The following ROBO1 variants were observed in gnomAD, a reference collection of about 807,000 sequenced individuals.
ROBO1 encodes roundabout guidance receptor 1, also known as roundabout homolog 1.
A neutral mutation model predicts 195.9 loss-of-function variants in ROBO1; 149 were observed. The observed-to-expected ratio is 0.76, with a 90% CI of 0.67 to 0.87. The LOEUF is 0.87. Ranked by LOEUF, ROBO1 falls within the 40% of genes least tolerant of loss-of-function variation. The pLI, the probability that ROBO1 is intolerant of heterozygous loss-of-function variation, is 0.00. For missense variants in ROBO1, 1,933 were observed against 2,068.3 expected (o/e 0.93, Z 1.27); for synonymous variants, 816 against 733.2 (o/e 1.11, Z -1.82).
chr3:79,004,341 T>C (rs1174717472), intron 3 of ROBO1, among the ~76,000 whole-genome samples: 1 of 152,176 alleles, frequency 6.6e-6, no homozygotes, highest in East Asian at 1.9e-4. Context: ...ATAACTCCTG[T>C]CAAAGCAAAG....
At position 79,218,026 on chromosome 3, in the gene ROBO1, CTT is replaced by C. The variant is rs1576829731; in HGVS notation, c.89-92489_89-92488del. 2.0e-5 allele frequency among the ~76,000 whole-genome samples: 3 copies of C among 151,728 alleles called. No individual in the cohort carries two copies. The East Asian group carries it at 5.8e-4, about 29-fold the overall frequency. ...TGGAAGATGGGAAATATTAGGAAAT[CTT>C]ATATTTTAGAAGATTATATAAATAA... On this transcript the variant is annotated intron_variant, in intron 2 of 30. Transcript: ENST00000464233.
At chr3:79,449,791 G>C (rs983671016) in intron 2 of ROBO1, among the ~76,000 whole-genome samples, 5 of 152,132 alleles carry the variant, frequency 3.3e-5, no homozygotes, top group African/African-American at 1.2e-4. Flanking sequence ...AGTTTATGGT[G>C]CCAATAGATT....
intron 4 of ROBO1, chr3:78,938,081 G>A (rs139789565): frequency 1.3e-5 from 2 of 156,600 alleles, no homozygotes; most frequent in African/African-American, 4.8e-5. Context: ...CAGCATGGGA[G>A]TTTTGATCTG....
intron 2 of ROBO1, among the ~76,000 whole-genome samples, chr3:79,284,372 A>G (rs895413778): frequency 6.6e-6 from 1 of 152,150 alleles, no homozygotes; most frequent in Non-Finnish European, 1.5e-5. Flanking sequence ...TAAAGAAACT[A>G]TTCTCAGTTT....
At chr3:78,698,963 G>A (rs138924984) in intron 8 of ROBO1, among the ~76,000 whole-genome samples, 7 of 152,154 alleles carry the variant, frequency 4.6e-5, no homozygotes, top group South Asian at 2.1e-4. Context: ...AGCAATCTAC[G>A]ACAATGTGCA....
chr3:79,620,217 G>A (rs1430889125), intron 1 of ROBO1, among the ~76,000 whole-genome samples: 1 of 152,116 alleles, frequency 6.6e-6, no homozygotes, highest in Non-Finnish European at 1.5e-5. Flanking sequence ...ACCACTCCCA[G>A]AGCCCCTGGA....
intron 7 of ROBO1, 33 bp downstream of exon 7, chr3:78,717,242 T>C: frequency 1.3e-6 from 2 of 1,520,220 alleles, no homozygotes; most frequent in East Asian, 2.3e-5. Context: ...AATGCTGAGT[T>C]GACAAATCAT....
chr3:79,385,752 G>C (rs1402344669), intron 2 of ROBO1, among the ~76,000 whole-genome samples: 1 of 151,938 alleles, frequency 6.6e-6, no homozygotes, highest in African/African-American at 2.4e-5. Flanking sequence ...CACTCTCAGG[G>C]GAAAGAAAGT....
chr3:79,085,809 A>G (rs2079358268), intron 3 of ROBO1, among the ~76,000 whole-genome samples: 1 of 152,216 alleles, frequency 6.6e-6, no homozygotes, highest in Non-Finnish European at 1.5e-5. Context: ...ATAAAAGTTT[A>G]GATCTCCTGT....
At chr3:79,623,514 G>T (rs1216338358) in intron 1 of ROBO1, among the ~76,000 whole-genome samples, 1 of 152,184 alleles carries the variant, frequency 6.6e-6, no homozygotes, top group East Asian at 1.9e-4. Flanking sequence ...ACCTGATGGA[G>T]CTGAAAAACA....
At chr3:79,388,662 C>T (rs1302043145) in intron 2 of ROBO1, among the ~76,000 whole-genome samples, 1 of 152,090 alleles carries the variant, frequency 6.6e-6, no homozygotes, top group Non-Finnish European at 1.5e-5. Flanking sequence ...TATACATATG[C>T]ACAGGTAATA....
At chr3:78,912,118 T>C (rs2038278541) in intron 4 of ROBO1, among the ~76,000 whole-genome samples, 1 of 152,058 alleles carries the variant, frequency 6.6e-6, no homozygotes, top group Admixed American at 6.6e-5. Flanking sequence ...ACTTTATAGA[T>C]GAGCCTAAAG....
chr3:79,378,242 C>A (rs2036452525), intron 2 of ROBO1, among the ~76,000 whole-genome samples: 1 of 151,596 alleles, frequency 6.6e-6, no homozygotes, highest in Non-Finnish European at 1.5e-5. Context: ...CCACTTTAGG[C>A]CTTAACCAGG....
chr3:79,294,913 A>C (rs531067615), intron 2 of ROBO1, among the ~76,000 whole-genome samples: 2 of 152,334 alleles, frequency 1.3e-5, no homozygotes, highest in South Asian at 2.1e-4. Context: ...ATCTCACGCC[A>C]GTTAGAATGG....
intron 2 of ROBO1, among the ~76,000 whole-genome samples, chr3:79,225,559 AC>A (rs538956595): frequency 6.6e-5 from 10 of 152,074 alleles, no homozygotes; most frequent in Non-Finnish European, 1.2e-4. Flanking sequence ...AATTTGGTCC[AC>A]CTTAGACACC....
At chr3:79,528,030 A>G (rs1353239795) in intron 2 of ROBO1, 1 of 23,820 alleles carries the variant, frequency 4.2e-5, no homozygotes, top group African/African-American at 6.2e-4. Context: ...GAGAGTTCAA[A>G]TTTTGCTTTT....
Position 78,868,835 on chromosome 3 carries a change from A to AC in ROBO1, c.499+69765_499+69766insG, listed in dbSNP as rs1228639963. Among the ~76,000 whole-genome samples, 3 of 152,342 alleles carry AC rather than the reference A, an allele frequency of 2.0e-5. No homozygotes were observed. In the East Asian group the frequency reaches 5.8e-4, roughly 29 times the overall value. ...CAAAAGCTTAGAAAGAACAATGGGTATGTAGATGTCAAAAAGGCAATATTC... is the reference window on the plus strand; with the variant it reads ...CAAAAGCTTAGAAAGAACAATGGGTACTGTAGATGTCAAAAAGGCAATATTC... On this transcript the variant is annotated intron_variant, in intron 4 of 30. Transcript: ENST00000464233.
chr3:79,583,000 T>G lies in ROBO1; in HGVS notation c.88+6824A>C, dbSNP rs533484962. ...ATTATCTGCTTGTTTACAAGATCTG[T>G]GAAGTCTTTCATGCCCTCCTCAAGT... On this transcript the variant is annotated intron_variant, in intron 2 of 30. Transcript: ENST00000464233. 1.1e-4 allele frequency among the ~76,000 whole-genome samples: 17 copies of G among 152,104 alleles called. No individual in the cohort carries two copies. The East Asian group carries it at 3.3e-3, about 30-fold the overall frequency.
intron 2 of ROBO1, among the ~76,000 whole-genome samples, chr3:79,232,955 A>C (rs1257627143): frequency 1.3e-5 from 2 of 152,088 alleles, no homozygotes; most frequent in Non-Finnish European, 2.9e-5. Context: ...ATAACAGTTG[A>C]CTTTGATGTT....
Sources: gnomAD v4.1 joint callset for allele counts (sites outside exome capture counted in the v4.1 genomes callset) on GRCh38, gnomAD v4.1.1 for gene constraint, MANE v1.5 for transcripts, NCBI Gene and HGNC (gene_info 2026-07-23, HGNC 2026-07-21) for gene names.